Variants in HSPA4L observed in about 807,000 individuals in gnomAD.
The protein encoded by HSPA4L is heat shock protein family A (Hsp70) member 4 like, also known as heat shock 70 kDa protein 4L.
In HSPA4L, 48 loss-of-function variants were observed where a neutral mutation model predicts 100.3. The observed-to-expected ratio is 0.48, with a 90% confidence interval of 0.38 to 0.61. HSPA4L has a LOEUF of 0.61. Among genes scored for constraint, HSPA4L ranks in the 20% least tolerant of loss-of-function variants. HSPA4L has a pLI of 0.00. For missense variants in HSPA4L, 886 were observed against 988.6 expected, an observed-to-expected ratio of 0.90 and a Z score of 1.39; for synonymous variants, 319 against 328.2, an observed-to-expected ratio of 0.97 and a Z score of 0.30.
chr4:127,800,652 T>C (rs771258850), intron 4 of HSPA4L, among the ~76,000 whole-genome samples: 2 of 152,164 alleles, frequency 1.3e-5, no homozygotes, highest in Non-Finnish European at 2.9e-5. Context: ...TCTGGTTGGG[T>C]GTATATACGC....
intron 16 of HSPA4L, among the ~76,000 whole-genome samples, chr4:127,824,269 A>G (rs771911669): frequency 2.0e-5 from 3 of 152,096 alleles, no homozygotes; most frequent in Non-Finnish European, 4.4e-5. Flanking sequence ...TTGAGTCTCT[A>G]TTTTGGCTAT....
chr4:127,781,993 C>G (rs1450250735), upstream of HSPA4L: 13 of 448,630 alleles, frequency 2.9e-5, no homozygotes, highest in Non-Finnish European at 5.4e-5. Context: ...CCGGGCCGGC[C>G]GGTCGCCTGC....
intron 1 of HSPA4L, among the ~76,000 whole-genome samples, chr4:127,788,615 A>G (rs532407376): frequency 2.0e-5 from 3 of 152,342 alleles, no homozygotes; most frequent in East Asian, 3.9e-4. Context: ...ATGTTGTTCT[A>G]GGGCAGAGGT....
intron 12 of HSPA4L, among the ~76,000 whole-genome samples, chr4:127,813,673 C>T (rs988957802): frequency 3.9e-5 from 6 of 152,176 alleles, no homozygotes; most frequent in East Asian, 3.9e-4. Flanking sequence ...GAGACAGTCT[C>T]GCTCTGTTGC....
intron 1 of HSPA4L, among the ~76,000 whole-genome samples, chr4:127,786,919 C>A (rs1732733741): frequency 6.6e-6 from 1 of 152,144 alleles, no homozygotes; most frequent in South Asian, 2.1e-4. Flanking sequence ...ATAGATACTT[C>A]TCAGAGGTAG....
intron 12 of HSPA4L, among the ~76,000 whole-genome samples, chr4:127,816,840 C>A (rs1393155320): frequency 1.3e-5 from 2 of 152,104 alleles, no homozygotes; most frequent in African/African-American, 4.8e-5. Flanking sequence ...GTTTATTTTC[C>A]TTTTCTCTGT....
At chr4:127,785,059 A>G (rs1367282446) in intron 1 of HSPA4L, among the ~76,000 whole-genome samples, 2 of 152,244 alleles carry the variant, frequency 1.3e-5, no homozygotes, top group African/African-American at 4.8e-5. Flanking sequence ...TATGGTTGAG[A>G]GGATTCCATA....
rs189799420 is a variant in HSPA4L at position 127,787,733 on chromosome 4, C to T, written c.107+5076C>T. Among the ~76,000 whole-genome samples, 149 of 151,876 alleles carry T rather than the reference C, an allele frequency of 9.8e-4. 2 individuals carry two copies. Among genetic ancestry groups the T allele is most frequent in the African/African-American group, 3.4e-3 (141 of 41,426 alleles). ...ACATTTCAAGTTAATATTTTGCTAG[C>T]GACATATAAAAATTCAGTGAATACC... On this transcript the variant is annotated intron_variant, in intron 1 of 18. Transcript: ENST00000296464.
In HSPA4L at chr4:127,837,407, A is replaced by C. The variant is rs1260234429; in HGVS notation, c.*4533A>C. ...CAATATACATTTAAAATCTGGTAACACTGGTTAAATAGCCCTTGATGACTT... is the reference window on the plus strand; with the variant it reads ...CAATATACATTTAAAATCTGGTAACCCTGGTTAAATAGCCCTTGATGACTT... On this transcript the variant is annotated 3_prime_UTR_variant, in exon 19 of 19. Transcript: ENST00000296464. The C allele has an allele frequency of 6.6e-6, 1 of 152,238 alleles. No individual in the cohort carries two copies. Among genetic ancestry groups the C allele is most frequent in the Non-Finnish European group, 1.5e-5 (1 of 68,034 alleles). 9.4% of individuals were successfully genotyped at this position (152,238 alleles called of 1,614,324 possible). A position where few individuals can be genotyped will look rare whatever the true frequency, so the allele number is the denominator to read the frequency against.
intron 3 of HSPA4L, among the ~76,000 whole-genome samples, chr4:127,797,758 C>A (rs1287739538): frequency 3.9e-5 from 6 of 151,982 alleles, no homozygotes; most frequent in Admixed American, 3.9e-4. Context: ...CCTGCCACCA[C>A]GCCCAGCTAA....
chr4:127,820,570 G>C lies in HSPA4L; in HGVS notation c.1812+5G>C. 1 of 1,591,704 alleles carries C rather than the reference G, an allele frequency of 6.3e-7. No homozygotes were observed. Among genetic ancestry groups the C allele is most frequent in the Non-Finnish European group, 8.5e-7 (1 of 1,172,718 alleles). On this transcript the variant is annotated splice_donor_5th_base_variant and intron_variant, in intron 14 of 18. Coordinates refer to ENST00000296464, the MANE Select transcript of HSPA4L (RefSeq NM_014278.4). ...AACAGCTACATTGAAAATGAGGTAT[G>C]TAAATCTGAGTTGATGCTGAAATAG...
chr4:127,809,539 A>G lies in HSPA4L; in HGVS notation c.1378+1410A>G. On this transcript the variant is annotated intron_variant, in intron 11 of 18. Coordinates refer to ENST00000296464, the MANE Select transcript of HSPA4L (RefSeq NM_014278.4). ...TCAAATGCCAAAGCTACTGTCATTC[A>G]GTGCTAGATGAACTGTGACTTTCAA... 3 of 781,334 alleles carry G rather than the reference A, an allele frequency of 3.8e-6. No individual in the cohort carries two copies. In the South Asian group the frequency reaches 4.2e-5, roughly 11 times the overall value. The allele number at this position is 781,334 out of a possible 1,614,324, so 48.4% of individuals were successfully genotyped here.
intron 9 of HSPA4L, 81 bp from the exon 10 acceptor site, chr4:127,805,606 T>C (rs1733331450): frequency 2.1e-6 from 2 of 956,650 alleles, no homozygotes; most frequent in African/African-American, 1.7e-5. Flanking sequence ...ATAGGAGGAC[T>C]CTATTAAGCA....
intron 1 of HSPA4L, among the ~76,000 whole-genome samples, chr4:127,785,973 G>T (rs1268402783): frequency 6.6e-6 from 1 of 152,126 alleles, no homozygotes. Context: ...TGTCTGCATT[G>T]TTACTTAAAA....
At chr4:127,816,549 C>A (rs915409572) in intron 12 of HSPA4L, among the ~76,000 whole-genome samples, 1 of 151,674 alleles carries the variant, frequency 6.6e-6, no homozygotes, top group Non-Finnish European at 1.5e-5. Flanking sequence ...AGTGAACAAA[C>A]CATTTAAGGA....
intron 1 of HSPA4L, among the ~76,000 whole-genome samples, chr4:127,785,402 G>A (rs1037727712): frequency 6.6e-6 from 1 of 151,984 alleles, no homozygotes. Context: ...AAAGGGAAGG[G>A]GAAGTATTTA....
At chr4:127,785,679 CA>C (rs1379171838) in intron 1 of HSPA4L, among the ~76,000 whole-genome samples, 1 of 152,062 alleles carries the variant, frequency 6.6e-6, no homozygotes, top group East Asian at 1.9e-4. Flanking sequence ...TCAGGTGATC[CA>C]CCCGCCTCGG....
chr4:127,799,700 GA>G (rs1231399941), intron 4 of HSPA4L, among the ~76,000 whole-genome samples: 1 of 152,122 alleles, frequency 6.6e-6, no homozygotes, highest in African/African-American at 2.4e-5. Context: ...ATTCATGTCA[GA>G]ACAGAGTAAT....
chr4:127,809,320 A>G (rs1733460259), intron 11 of HSPA4L: 2 of 1,185,138 alleles, frequency 1.7e-6, no homozygotes, highest in Admixed American at 3.4e-5. Context: ...TGTCTTAATA[A>G]GGACTTCTGG....
Sources: gnomAD v4.1 joint callset for allele counts (sites outside exome capture counted in the v4.1 genomes callset) on GRCh38, gnomAD v4.1.1 for gene constraint, MANE v1.5 for transcripts, NCBI Gene and HGNC (gene_info 2026-07-23, HGNC 2026-07-21) for gene names.